STK33: variants seen among roughly 807,000 people sequenced by gnomAD.
The protein encoded by STK33 is serine/threonine-protein kinase 33.
STK33 carries 52 observed loss-of-function variants against 58.0 expected under a neutral mutation model. That is an observed-to-expected ratio of 0.90 (90% CI 0.72 to 1.13). STK33 has a LOEUF of 1.13. Ranked by LOEUF, STK33 falls within the 50% of genes most tolerant of loss-of-function variation. STK33 has a pLI of 0.00. For synonymous variants in STK33, 215 were observed against 200.1 expected, an observed-to-expected ratio of 1.07 and a Z score of -0.63; for missense variants, 630 against 604.2, an observed-to-expected ratio of 1.04 and a Z score of -0.45.
intron 14 of STK33, among the ~76,000 whole-genome samples, chr11:8,435,261 A>G (rs1319197725): frequency 6.6e-6 from 1 of 152,190 alleles, no homozygotes; most frequent in East Asian, 1.9e-4. Flanking sequence ...CTTTCATGAC[A>G]CTGAGCAAAG....
At chr11:8,585,570 G>T (rs1010925202) in intron 1 of STK33, among the ~76,000 whole-genome samples, 1 of 151,856 alleles carries the variant, frequency 6.6e-6, no homozygotes, top group African/African-American at 2.4e-5. Flanking sequence ...GCAAGTCCAA[G>T]ACAGATGTTA....
the STK33 span, among the ~76,000 whole-genome samples, chr11:8,342,578 C>T: frequency 6.6e-6 from 1 of 152,240 alleles, no homozygotes; most frequent in Non-Finnish European, 1.5e-5. Flanking sequence ...TTTCATGCCT[C>T]GGGGCTGGTG....
intron 1 of STK33, among the ~76,000 whole-genome samples, chr11:8,557,281 G>GA (rs1170708732): frequency 5.6e-4 from 21 of 37,616 alleles, no homozygotes; most frequent in Admixed American, 7.7e-4. Context: ...GGAGGGGAGG[G>GA]GAGGGGAGGA....
At chr11:8,463,496 C>T (rs911038092) in intron 7 of STK33, among the ~76,000 whole-genome samples, 1 of 152,084 alleles carries the variant, frequency 6.6e-6, no homozygotes, top group Non-Finnish European at 1.5e-5. Context: ...GGACAGGTAC[C>T]GGTCCAAGAC....
chr11:8,419,954 T>C (rs1941674978), intron 14 of STK33, among the ~76,000 whole-genome samples: 1 of 152,130 alleles, frequency 6.6e-6, no homozygotes, highest in Non-Finnish European at 1.5e-5. Flanking sequence ...ATAATCTCAA[T>C]TATTACCTTA....
At chr11:8,574,147 G>C (rs1237620619) in intron 1 of STK33, among the ~76,000 whole-genome samples, 1 of 152,170 alleles carries the variant, frequency 6.6e-6, no homozygotes, top group Non-Finnish European at 1.5e-5. Context: ...CTTAGAGATG[G>C]AGCTAATATG....
At chr11:8,433,717 C>A (rs926472306) in intron 14 of STK33, 6 of 152,132 alleles carry the variant, frequency 3.9e-5, no homozygotes, top group African/African-American at 1.4e-4. Flanking sequence ...CTAGATGTCA[C>A]CCTTATTTCC....
At position 8,594,206 on chromosome 11, in the gene STK33, G is replaced by C. The variant is rs965541618; in HGVS notation, c.-589C>G. On this transcript the variant is annotated 5_prime_UTR_variant, in exon 1 of 16. Coordinates refer to ENST00000687296, the MANE Select transcript of STK33 (RefSeq NM_001352389.2). ...CAGAGCAACCGCAGGGCAGTGGACGGGGGCCGCGCGAGGACAAACAGCGGC... is the reference window on the plus strand; with the variant it reads ...CAGAGCAACCGCAGGGCAGTGGACGCGGGCCGCGCGAGGACAAACAGCGGC... 2.0e-5 allele frequency: 3 copies of C among 152,308 alleles called. No individual in the cohort carries two copies. Among genetic ancestry groups the C allele is most frequent in the African/African-American group, 7.2e-5 (3 of 41,466 alleles). The allele number at this position is 152,308 out of a possible 1,614,324, so 9.4% of individuals were successfully genotyped here.
the STK33 span, among the ~76,000 whole-genome samples, chr11:8,357,096 G>A: frequency 2.0e-4 from 31 of 152,314 alleles, no homozygotes; most frequent in East Asian, 1.7e-3. Context: ...CCCTCCTCCC[G>A]GCAGGGCTGT....
intron 15 of STK33, among the ~76,000 whole-genome samples, chr11:8,397,805 A>C (rs929499626): frequency 6.6e-6 from 1 of 152,176 alleles, no homozygotes; most frequent in Non-Finnish European, 1.5e-5. Context: ...TGAGAACTAC[A>C]TGACAAATGC....
At chr11:8,542,201 A>C (rs1955574625) in intron 1 of STK33, among the ~76,000 whole-genome samples, 2 of 152,240 alleles carry the variant, frequency 1.3e-5, no homozygotes. Flanking sequence ...ATCAACTATT[A>C]GTTTTAAAAT....
intron 1 of STK33, among the ~76,000 whole-genome samples, chr11:8,506,177 T>TAATAATCTAA (rs1951850699): frequency 6.6e-6 from 1 of 152,190 alleles, no homozygotes; most frequent in Non-Finnish European, 1.5e-5. Context: ...CAACTCAACA[T>TAATAATCTAA]AATAATCTAA....
chr11:8,460,017 A>C (rs1250851675), intron 8 of STK33, among the ~76,000 whole-genome samples: 1 of 152,206 alleles, frequency 6.6e-6, no homozygotes, highest in Non-Finnish European at 1.5e-5. Context: ...AACAGGAAAA[A>C]ATTAGTCCTA....
At chr11:8,341,219 C>A in the STK33 span, among the ~76,000 whole-genome samples, 2 of 152,212 alleles carry the variant, frequency 1.3e-5, no homozygotes, top group East Asian at 3.8e-4. Flanking sequence ...GGGCAAAGTA[C>A]CCCTGCCTTT....
At position 8,454,817 on chromosome 11, in the gene STK33, T is replaced by A; in HGVS notation, c.713A>T (p.Asp238Val). 1.3e-6 allele frequency: 2 copies of A among 1,564,812 alleles called. No homozygotes were observed. The highest frequency in any genetic ancestry group is 1.7e-6 in the Non-Finnish European group (2 of 1,150,748). The change falls in exon 10 of 16, where the codon GAT becomes GTT. Residue 238 changes from aspartate (D) to valine (V), a missense_variant. Asp to Val is a radical substitution (Grantham distance 152). Transcript: ENST00000687296. ...AACCATTATATTTTCCAGTTTCAGA[T>A]CTCTATGTACAATATCTACCAAGAA... ...YLHNNDIVHR[D>V]LKLENIMVKS...
At chr11:8,379,999 T>C in the STK33 span, among the ~76,000 whole-genome samples, 3 of 152,376 alleles carry the variant, frequency 2.0e-5, no homozygotes, top group Admixed American at 6.5e-5. Context: ...ATGGTGTTTA[T>C]ATACCACATT....
intron 1 of STK33, among the ~76,000 whole-genome samples, chr11:8,584,528 C>T (rs777201047): frequency 4.6e-5 from 7 of 152,192 alleles, no homozygotes; most frequent in Non-Finnish European, 7.3e-5. Flanking sequence ...CTGAGAGACA[C>T]AGCCTTGGAG....
intron 1 of STK33, among the ~76,000 whole-genome samples, chr11:8,519,581 T>C (rs1244188649): frequency 1.3e-5 from 2 of 151,938 alleles, no homozygotes; most frequent in African/African-American, 4.8e-5. Flanking sequence ...ATAAACAAAA[T>C]TGATAGACTG....
chr11:8,478,405 A>G (rs1402515099), intron 2 of STK33, among the ~76,000 whole-genome samples: 1 of 152,214 alleles, frequency 6.6e-6, no homozygotes, highest in Non-Finnish European at 1.5e-5. Context: ...AGCAAATAAA[A>G]TAAGTTCAAA....
Sources: gnomAD v4.1 joint callset for allele counts (sites outside exome capture counted in the v4.1 genomes callset) on GRCh38, gnomAD v4.1.1 for gene constraint, MANE v1.5 for transcripts, NCBI Gene and HGNC (gene_info 2026-07-23, HGNC 2026-07-21) for gene names.